The following TJAP1 variants were observed in gnomAD, a reference collection of about 807,000 sequenced individuals.
TJAP1 encodes tight junction-associated protein 1.
In TJAP1, 27 loss-of-function variants were observed where a neutral mutation model predicts 42.0. That is an observed-to-expected ratio of 0.64 (90% CI 0.47 to 0.89). The LOEUF is 0.89. TJAP1 is among the 40% of genes least tolerant of loss of function. The pLI, the probability that TJAP1 is intolerant of heterozygous loss-of-function variation, is 0.00. For synonymous variants in TJAP1, 257 were observed against 288.4 expected, an observed-to-expected ratio of 0.89 and a Z score of 1.10; for missense variants, 712 against 726.9, an observed-to-expected ratio of 0.98 and a Z score of 0.24.
At chr6:43,503,282 T>C in intron 8 of TJAP1, 119 bp from the exon 9 acceptor site, 5 of 712,932 alleles carry the variant, frequency 7.0e-6, no homozygotes, top group African/African-American at 5.3e-5. Context: ...GTCTCTGCTC[T>C]GTCCGCCTTG....
At chr6:43,497,107 T>C (rs1382627417) in intron 2 of TJAP1, 2 of 152,270 alleles carry the variant, frequency 1.3e-5, no homozygotes, top group Non-Finnish European at 2.9e-5. Flanking sequence ...ATATTTTCTA[T>C]TGGGAATCAT....
At position 43,503,385 on chromosome 6, in the gene TJAP1, C is replaced by G. The variant is rs1380849783; in HGVS notation, c.388-16C>G. ...GCTAGAGTGTGGGCTGGGTTAACCTCAAGTCTGTGCTTCAGATCAAGAAGG... is the reference window on the plus strand; with the variant it reads ...GCTAGAGTGTGGGCTGGGTTAACCTGAAGTCTGTGCTTCAGATCAAGAAGG... On this transcript the variant is annotated splice_polypyrimidine_tract_variant and intron_variant, in intron 8 of 10. Coordinates refer to ENST00000372449, the Ensembl canonical transcript of TJAP1. 4 of 1,606,780 alleles carry G rather than the reference C, an allele frequency of 2.5e-6. No individual in the cohort carries two copies. The highest frequency in any genetic ancestry group is 3.4e-6 in the Non-Finnish European group (4 of 1,174,326).
rs114906410 is a variant in TJAP1 at position 43,496,238 on chromosome 6, C to T, written c.-121-1643C>T. On this transcript the variant is annotated intron_variant, in intron 2 of 10. Transcript: ENST00000372449. Reference sequence around the variant, plus strand: ...TGGCCATACCCTGTTTTCCAACTCACGCACCCCACACATTTACCCTCTGAG... The same window carrying T: ...TGGCCATACCCTGTTTTCCAACTCATGCACCCCACACATTTACCCTCTGAG... 1.7e-3 allele frequency among the ~76,000 whole-genome samples: 259 copies of T among 152,274 alleles called. 2 individuals are homozygous for T. The highest frequency in any genetic ancestry group is 6.0e-3 in the African/African-American group (248 of 41,552).
chr6:43,505,877 C>T lies in TJAP1; in HGVS notation c.*22C>T. 7.0e-7 allele frequency: 1 copy of T among 1,438,750 alleles called. No individual in the cohort carries two copies. The highest frequency in any genetic ancestry group is 9.1e-7 in the Non-Finnish European group (1 of 1,100,218). The allele number at this position is 1,438,750 out of a possible 1,614,324, so 89.1% of individuals were successfully genotyped here. A position where few individuals can be genotyped will look rare whatever the true frequency, so the allele number is the denominator to read the frequency against. Reference sequence around the variant, plus strand: ...CTAGGGCCCCTGCTGGCCTTCCTGCCATTGCTGCACCAGGACTGCAAGGAG... The same window carrying T: ...CTAGGGCCCCTGCTGGCCTTCCTGCTATTGCTGCACCAGGACTGCAAGGAG... On this transcript the variant is annotated 3_prime_UTR_variant, in exon 11 of 11. Coordinates refer to ENST00000372449, the Ensembl canonical transcript of TJAP1. The surrounding 1 kb of genome is among the most constrained non-coding windows in gnomAD (Gnocchi z 5.5).
intron 2 of TJAP1, chr6:43,497,588 C>T (rs572938176): frequency 2.0e-5 from 3 of 152,252 alleles, no homozygotes; most frequent in Non-Finnish European, 4.4e-5. Context: ...GGAGTAGGGA[C>T]AGGACGGAAC....
chr6:43,487,088 G>C (rs1786704287), intron 2 of TJAP1, among the ~76,000 whole-genome samples: 1 of 152,136 alleles, frequency 6.6e-6, no homozygotes. Flanking sequence ...CTCCTTGACT[G>C]GTCCTGAGTA....
chr6:43,498,869 C>G, intron 3 of TJAP1, 109 bp from the exon 4 acceptor site: 1 of 1,197,586 alleles, frequency 8.4e-7, no homozygotes, highest in Non-Finnish European at 1.2e-6. Context: ...GGCCTGTCAG[C>G]CTATGTGGTG....
chr6:43,497,805 TGG>T (rs970514767), intron 2 of TJAP1, 74 bp from the exon 3 acceptor site: 1 of 152,290 alleles, frequency 6.6e-6, no homozygotes, highest in Non-Finnish European at 1.5e-5. Context: ...GGTCCCAGAC[TGG>T]GCAGCAGGCC....
chr6:43,499,975 G>A (rs1469460957), intron 4 of TJAP1, among the ~76,000 whole-genome samples: 1 of 152,260 alleles, frequency 6.6e-6, no homozygotes, highest in Non-Finnish European at 1.5e-5. Context: ...TGTATAATCA[G>A]TATGCAGTAG....
In TJAP1 at chr6:43,495,282, G is replaced by GGGCAA. The variant is rs1788859015; in HGVS notation, c.-121-2598_-121-2597insGCAAG. On this transcript the variant is annotated intron_variant, in intron 2 of 10. Transcript: ENST00000372449. This position sits in a 1 kb window ranked among gnomAD's most constrained non-coding sequence, Gnocchi z 4.6. The stretch of plus-strand genomic sequence containing the variant: ...GCACCATGCATCACTGTCCTCCTTG[G>GGGCAA]GTCTGTCCGGACTTTCCCTGCACAC... Among the ~76,000 whole-genome samples, 1 of 152,182 alleles carries GGGCAA rather than the reference G, an allele frequency of 6.6e-6. No homozygotes were observed. Among genetic ancestry groups the GGGCAA allele is most frequent in the African/African-American group, 2.4e-5 (1 of 41,430 alleles).
exon 2 of TJAP1, chr6:43,478,224 C>G (rs965016096): frequency 2.6e-5 from 4 of 152,246 alleles, no homozygotes; most frequent in Non-Finnish European, 5.9e-5. Flanking sequence ...CAGTCCAACC[C>G]CAGAGCGGGT....
chr6:43,502,076 A>ACACACACACACACT (rs767085594), intron 6 of TJAP1, among the ~76,000 whole-genome samples: 6 of 68,956 alleles, frequency 8.7e-5, no homozygotes, highest in African/African-American at 3.0e-4. Flanking sequence ...ACACACACAC[A>ACACACACACACACT]CTCTCTCTCT....
exon 11 of TJAP1, chr6:43,506,019 G>A: frequency 1.7e-6 from 1 of 604,692 alleles, no homozygotes; most frequent in Non-Finnish European, 2.5e-6. Context: ...TGCCAGGCCT[G>A]TCAGCTGCGT....
At chr6:43,503,536 C>T in intron 9 of TJAP1, 28 bp downstream of exon 9, 1 of 1,611,566 alleles carries the variant, frequency 6.2e-7, no homozygotes. Flanking sequence ...CTCGGGCCTT[C>T]CTCACCTGGG....
chr6:43,501,921 ACACACACTCTCTCTCTCT>A (rs1438948585), intron 6 of TJAP1, among the ~76,000 whole-genome samples: 1 of 113,366 alleles, frequency 8.8e-6, no homozygotes, highest in African/African-American at 4.1e-5. Flanking sequence ...ACACACACAC[ACACACACTCTCTCTCTCT>A]CTCTCTCTCT....
At chr6:43,502,842 C>T (rs756932502) in intron 8 of TJAP1, 95 of 605,788 alleles carry the variant, frequency 1.6e-4, no homozygotes, top group Non-Finnish European at 2.5e-4. Flanking sequence ...TTGATGTCTC[C>T]ACTGAACACC....
At chr6:43,484,084 A>AC (rs1167630967) in intron 2 of TJAP1, among the ~76,000 whole-genome samples, 1 of 149,854 alleles carries the variant, frequency 6.7e-6, no homozygotes, top group East Asian at 1.9e-4. Context: ...ATTAAAAACA[A>AC]AAAAAAAAAT....
Position 43,505,083 on chromosome 6 carries a change from C to T in TJAP1, c.902C>T (p.Pro301Leu), listed in dbSNP as rs769267252. Residue 301 changes from proline (P) to leucine (L), a missense_variant, in exon 11 of 11, where the codon CCG becomes CTG. Physicochemically the swap from Pro to Leu is moderately conservative, Grantham distance 98 (BLOSUM62 -3). Around this residue, in one of 3 missense-constraint regions of TJAP1, gnomAD observed 549 missense variants for 528.2 expected, o/e 1.04. Transcript: ENST00000372449. The surrounding 1 kb of genome is among the most constrained non-coding windows in gnomAD (Gnocchi z 5.5). ...TCTCTGGGTACTGCCAGGGGCTCCCCGGAGGAAGAGCTGCCCCTGCCAGCC... is the reference window on the plus strand; with the variant it reads ...TCTCTGGGTACTGCCAGGGGCTCCCTGGAGGAAGAGCTGCCCCTGCCAGCC... The T allele has an allele frequency of 1.4e-5, 23 of 1,613,984 alleles. No homozygotes were observed. The highest frequency in any genetic ancestry group is 2.2e-5 in the East Asian group (1 of 44,902).
chr6:43,502,076 A>ACACTCTCTCTCTCTCTCT (rs767085594), intron 6 of TJAP1, among the ~76,000 whole-genome samples: 50 of 68,956 alleles, frequency 7.3e-4, no homozygotes, highest in Non-Finnish European at 1.1e-3. Flanking sequence ...ACACACACAC[A>ACACTCTCTCTCTCTCTCT]CTCTCTCTCT....
Sources: allele counts gnomAD v4.1 joint callset (sites outside exome capture counted in the v4.1 genomes callset), GRCh38; gene constraint gnomAD v4.1.1; regional missense constraint gnomAD v4.1.1; non-coding constraint Gnocchi (gnomAD v3.1); transcripts MANE v1.5; gene names NCBI Gene and HGNC (gene_info 2026-07-23, HGNC 2026-07-21).